Variants in SSX5 observed in about 807,000 individuals in gnomAD.
The protein encoded by SSX5 is protein SSX5.
A neutral mutation model predicts 14.9 loss-of-function variants in SSX5; 14 were observed. The observed-to-expected ratio is 0.94, with a 90% CI of 0.62 to 1.47. SSX5 has a LOEUF of 1.47. Ranked by LOEUF, SSX5 falls within the 40% of genes most tolerant of loss-of-function variation. The pLI is 0.00. For synonymous variants in SSX5, 70 were observed against 55.4 expected, an observed-to-expected ratio of 1.26 and a Z score of -1.17; for missense variants, 204 against 154.6, an observed-to-expected ratio of 1.32 and a Z score of -1.70.
intron 5 of SSX5, among the ~76,000 whole-genome samples, chrX:48,191,554 G>A (rs1399502187): frequency 9.0e-6 from 1 of 111,594 alleles, no homozygotes; most frequent in Non-Finnish European, 1.9e-5. Flanking sequence ...CGATTCCTAA[G>A]CCATGCAAGT....
intron 7 of SSX5, among the ~76,000 whole-genome samples, chrX:48,187,075 GC>G (rs1212313177): frequency 5.4e-5 from 6 of 111,541 alleles, no homozygotes; most frequent in African/African-American, 1.3e-4. Flanking sequence ...GGAAGGTGTG[GC>G]CCGCATATCA....
At chrX:48,188,494 CAT>C (rs1480340909) in intron 6 of SSX5, among the ~76,000 whole-genome samples, 2 of 112,424 alleles carry the variant, frequency 1.8e-5, no homozygotes, top group African/African-American at 6.5e-5. Flanking sequence ...GAACTGCACT[CAT>C]AGAAGTTGAC....
intron 2 of SSX5, 158 bp from the exon 3 acceptor site, chrX:48,195,012 C>T: frequency 8.3e-7 from 1 of 1,211,856 alleles, no homozygotes; most frequent in South Asian, 1.8e-5. Context: ...CCTACCCTAG[C>T]TTCTCCCCTG....
rs139188684 is a variant in SSX5, at chrX:48,194,807, C to A, written c.117G>T (p.Lys39Asn). ...AGATGATTTTCTCCGAGGCTTTCAT[C>A]TTTTCCCACTCTTTCTCAGAGAAGT... ...AKYFSEKEWE[K>N]MKASEKIIYV... The change falls in exon 3 of 8, where the codon AAG becomes AAT. Residue 39 changes from lysine (K) to asparagine (N), a missense_variant. Physicochemically the swap from Lys to Asn is moderately conservative, Grantham distance 94. Transcript: ENST00000347757. 400 of 1,208,604 alleles carry A rather than the reference C, an allele frequency of 3.3e-4. 2 individuals are homozygous for A. In the African/African-American group the frequency reaches 6.0e-3, roughly 18 times the overall value.
chrX:48,194,147 G>C lies in SSX5; in HGVS notation c.262C>G (p.Pro88Ala), dbSNP rs1556925336. The C allele has an allele frequency of 8.3e-7, 1 of 1,210,351 alleles. No individual in the cohort carries two copies. The highest frequency in any genetic ancestry group is 3.0e-5 in the East Asian group (1 of 33,772). The change falls in exon 4 of 8, where the codon CCT (proline) becomes GCT (alanine). Residue 88 changes from proline (P) to alanine (A), a missense_variant. Pro to Ala is a conservative substitution (Grantham distance 27). Transcript: ENST00000347757. ...DFQGNDFDND[P>A]NRGNQVEHPQ... ...TACTCACCCTGATTCCCACGGTTAG[G>C]GTCATTATCAAAATCATTCCCCTGG...
At position 48,192,285 on chromosome X, in the gene SSX5, A is replaced by G. The variant is rs1569441514; in HGVS notation, c.281-4T>C. 2.5e-6 allele frequency: 3 copies of G among 1,211,399 alleles called. No individual in the cohort carries two copies. The highest frequency in any genetic ancestry group is 3.4e-6 in the Non-Finnish European group (3 of 895,247). On this transcript the variant is annotated splice_region_variant and splice_polypyrimidine_tract_variant and intron_variant, in intron 4 of 7. Coordinates refer to ENST00000347757, the MANE Select transcript of SSX5 (RefSeq NM_175723.2). ...AAAGTCATCTGAGGATGTTCAACTG[A>G]AAGAGAATACATCAGAATTTTTCTT...
In SSX5 at chrX:48,186,692, G is replaced by A. The variant is rs143419961; in HGVS notation, c.*169C>T. The A allele has an allele frequency of 4.6e-4, 441 of 965,049 alleles. 5 individuals are homozygous for A. The East Asian group carries it at 0.012, about 26-fold the overall frequency. 79.5% of individuals were successfully genotyped at this position (965,049 alleles called of 1,213,427 possible). A position where few individuals can be genotyped will look rare whatever the true frequency, so the allele number is the denominator to read the frequency against. ...AAAATACAACAGAAACACTAACATC[G>A]AACTCTTGGCACACTAAGAAAAATG... On this transcript the variant is annotated 3_prime_UTR_variant, in exon 8 of 8. Coordinates refer to ENST00000347757, the MANE Select transcript of SSX5 (RefSeq NM_175723.2).
chrX:48,192,755 T>C (rs1885213995), intron 4 of SSX5, among the ~76,000 whole-genome samples: 1 of 112,193 alleles, frequency 8.9e-6, no homozygotes, highest in African/African-American at 3.2e-5. Flanking sequence ...GTCAAAAACT[T>C]GGCAGATACT....
rs146343257 is a variant in SSX5, at chrX:48,194,855, C to T, written c.70-1G>A. ...AGTATTTGGCAATATCATCGAAGGC[C>T]TAGAAAAAAAAAAAGGATTTCTGAT... On this transcript the variant is annotated splice_acceptor_variant, in intron 2 of 7. Transcript: ENST00000347757. LOFTEE classifies it high-confidence loss of function. 446 of 1,193,125 alleles carry T rather than the reference C, an allele frequency of 3.7e-4. No individual in the cohort carries two copies. In the African/African-American group the frequency reaches 7.0e-3, roughly 19 times the overall value.
rs782067591 is a variant in SSX5 at position 48,187,646 on chromosome X, C to T, written c.552G>A (p.Gln184=). ...ACTTACGGAGTTACTCGTCATCTTCCTGAGGGTCGCTGATCTCTTCATAAA... is the reference window on the plus strand; with the variant it reads ...ACTTACGGAGTTACTCGTCATCTTCTTGAGGGTCGCTGATCTCTTCATAAA... ...LVIYEEISDP[Q]EDDE The change falls in exon 7 of 8, where the codon CAG becomes CAA. Residue 184 remains glutamine, a synonymous_variant. Transcript: ENST00000347757. The T allele has an allele frequency of 4.8e-5, 58 of 1,207,731 alleles. No individual in the cohort carries two copies. In the East Asian group the frequency reaches 1.7e-3, roughly 36 times the overall value.
rs1469003881 is a variant in SSX5, at chrX:48,186,552, C to T, written c.*309G>A. On this transcript the variant is annotated 3_prime_UTR_variant, in exon 8 of 8. Coordinates refer to ENST00000347757, the MANE Select transcript of SSX5 (RefSeq NM_175723.2). ...TAGTGTTGTTCTATGCAGAGAATAC[C>T]TGACGATACTTGTTTTCTGAGGTAG... 4.7e-6 allele frequency: 2 copies of T among 428,668 alleles called. No individual in the cohort carries two copies. The highest frequency in any genetic ancestry group is 7.5e-5 in the Admixed American group (2 of 26,692). 35.3% of individuals were successfully genotyped at this position (428,668 alleles called of 1,213,427 possible).
intron 7 of SSX5, among the ~76,000 whole-genome samples, chrX:48,187,132 G>C (rs111366620): frequency 2.7e-5 from 3 of 111,733 alleles, no homozygotes; most frequent in African/African-American, 9.7e-5. Flanking sequence ...GGGTAGGGAG[G>C]ATCCCTGGAT....
chrX:48,186,383 T>C lies in SSX5; in HGVS notation c.*478A>G, dbSNP rs1214917702. The C allele has an allele frequency of 1.2e-4, 26 of 218,220 alleles. No homozygotes were observed. Among genetic ancestry groups the C allele is most frequent in the Middle Eastern group, 1.6e-3 (1 of 627 alleles). 18.0% of individuals were successfully genotyped at this position (218,220 alleles called of 1,213,427 possible). A position where few individuals can be genotyped will look rare whatever the true frequency, so the allele number is the denominator to read the frequency against. ...GGTACTTGGTGTGTGTGTGTGTGTG[T>C]GTGTGTGTGTGTGTGTGTGTGCGCG... On this transcript the variant is annotated 3_prime_UTR_variant, in exon 8 of 8. Transcript: ENST00000347757.
rs1178409251 is a variant in SSX5 at position 48,190,190 on chromosome X, TC to T, written c.408del (p.Lys137AsnfsTer9). On this transcript the variant is annotated frameshift_variant, in exon 6 of 8. Coordinates refer to ENST00000347757, the MANE Select transcript of SSX5 (RefSeq NM_175723.2). LOFTEE classifies it high-confidence loss of function. ...VPEASGPQNNGKQLRPSGKLN... is the reference protein window; with the variant it reads ...VPEASGPQNNXKQLRPSGKLN... ...AGTTTTCCTGAGGGGCGCAGCTGTT[TC>T]CCATTGTTCTGTGGGCCAGATGCTT... 1 of 1,208,820 alleles carries T rather than the reference TC, an allele frequency of 8.3e-7. No homozygotes were observed. The highest frequency in any genetic ancestry group is 1.1e-6 in the Non-Finnish European group (1 of 894,700).
chrX:48,190,337 G>T, intron 5 of SSX5, 69 bp from the exon 6 acceptor site: 1 of 1,093,444 alleles, frequency 9.1e-7, no homozygotes. Context: ...AGCTTACAAA[G>T]AATCTTCACA....
intron 6 of SSX5, among the ~76,000 whole-genome samples, chrX:48,189,200 T>C (rs2059410439): frequency 8.9e-6 from 1 of 112,360 alleles, no homozygotes; most frequent in Non-Finnish European, 1.9e-5. Context: ...TGAAGGTGGC[T>C]ACACTAAACA....
intron 1 of SSX5, among the ~76,000 whole-genome samples, chrX:48,196,013 C>T (rs1208729051): frequency 2.7e-5 from 3 of 111,642 alleles, no homozygotes; most frequent in Non-Finnish European, 5.6e-5. Flanking sequence ...CAGCCAGGCT[C>T]GGTGGCTCAC....
At chrX:48,195,006 C>T in intron 2 of SSX5, 152 bp from the exon 3 acceptor site, 2 of 1,211,753 alleles carry the variant, frequency 1.7e-6, no homozygotes, top group Non-Finnish European at 2.2e-6. Context: ...GGGGCACCTA[C>T]CCTAGCTTCT....
rs188352183 is a variant in SSX5 at position 48,195,710 on chromosome X, G to C, written c.-20-332C>G. On this transcript the variant is annotated intron_variant, in intron 1 of 7. Coordinates refer to ENST00000347757, the MANE Select transcript of SSX5 (RefSeq NM_175723.2). ...TACAGACCCTTGTTGGGAAGGCAGA[G>C]ATGTGACTGTGTAATTTTATTCAGT... is the stretch of plus-strand genomic sequence containing the variant. Among the ~76,000 whole-genome samples the C allele has an allele frequency of 2.7e-5, 3 of 111,208 alleles. No individual in the cohort carries two copies. In the Admixed American group the frequency reaches 2.9e-4, roughly 11 times the overall value.
Sources: allele counts gnomAD v4.1 joint callset (sites outside exome capture counted in the v4.1 genomes callset), GRCh38; gene constraint gnomAD v4.1.1; transcripts MANE v1.5; gene names NCBI Gene and HGNC (gene_info 2026-07-23, HGNC 2026-07-21).